L3MBTL3: variants seen among roughly 807,000 people sequenced by gnomAD.
The protein encoded by L3MBTL3 is lethal(3)malignant brain tumor-like protein 3.
A neutral mutation model predicts 102.3 loss-of-function variants in L3MBTL3; 27 were observed. That is an observed-to-expected ratio of 0.26 (90% CI 0.19 to 0.36). The LOEUF is 0.36. L3MBTL3 is among the 10% of genes least tolerant of loss of function. L3MBTL3 has a pLI of 1.00. For missense variants in L3MBTL3, 798 were observed against 955.3 expected, an observed-to-expected ratio of 0.84 and a Z score of 2.17; for synonymous variants, 340 against 320.9, an observed-to-expected ratio of 1.06 and a Z score of -0.64.
chr6:130,139,497 T>C, intron 22 of L3MBTL3, 113 bp from the exon 23 acceptor site: 1 of 948,536 alleles, frequency 1.1e-6, no homozygotes, highest in African/African-American at 1.6e-5. Flanking sequence ...TGAACTTCTC[T>C]GTGCTTTTTT....
intron 20 of L3MBTL3, among the ~76,000 whole-genome samples, chr6:130,131,265 G>A (rs1441378030): frequency 6.6e-6 from 1 of 152,136 alleles, no homozygotes; most frequent in Non-Finnish European, 1.5e-5. Flanking sequence ...CATTAATCAT[G>A]GAATGCATTT....
intron 10 of L3MBTL3, among the ~76,000 whole-genome samples, chr6:130,064,774 A>G (rs1028570360): frequency 6.6e-6 from 1 of 152,078 alleles, no homozygotes; most frequent in East Asian, 1.9e-4. Flanking sequence ...GAGGGTGAGG[A>G]TGTAGGAGAT....
chr6:130,035,867 T>C (rs1780023941), intron 2 of L3MBTL3, among the ~76,000 whole-genome samples: 1 of 152,190 alleles, frequency 6.6e-6, no homozygotes, highest in African/African-American at 2.4e-5. Context: ...ACTTTCAGGA[T>C]ACTTCCTTAG....
chr6:130,140,872 C>T lies in L3MBTL3; in HGVS notation c.*1119C>T, dbSNP rs1330771048. Reference sequence around the variant, plus strand: ...CACAAAATTTGAAATGCTCACAGATCAGGGAGGTGATTTCCCAAAGTAATT... The same window carrying T: ...CACAAAATTTGAAATGCTCACAGATTAGGGAGGTGATTTCCCAAAGTAATT... On this transcript the variant is annotated 3_prime_UTR_variant, in exon 23 of 23. Coordinates refer to ENST00000361794, the MANE Select transcript of L3MBTL3 (RefSeq NM_032438.4). 1.3e-5 allele frequency: 2 copies of T among 152,570 alleles called. No homozygotes were observed. Among genetic ancestry groups the T allele is most frequent in the Non-Finnish European group, 2.9e-5 (2 of 68,028 alleles). 9.5% of individuals were successfully genotyped at this position (152,570 alleles called of 1,614,324 possible). A position where few individuals can be genotyped will look rare whatever the true frequency, so the allele number is the denominator to read the frequency against.
chr6:130,115,459 A>G (rs991122252), intron 19 of L3MBTL3, among the ~76,000 whole-genome samples: 6 of 152,220 alleles, frequency 3.9e-5, no homozygotes, highest in African/African-American at 9.6e-5. Flanking sequence ...TTGTTTTTCA[A>G]TATTTTTTAA....
chr6:130,060,926 A>G (rs1006863148), intron 10 of L3MBTL3, among the ~76,000 whole-genome samples: 7 of 152,040 alleles, frequency 4.6e-5, no homozygotes, highest in African/African-American at 1.2e-4. Context: ...GTATTATACT[A>G]TTCTTTAATT....
chr6:130,043,549 T>G (rs1584308267), intron 3 of L3MBTL3, among the ~76,000 whole-genome samples: 1 of 152,230 alleles, frequency 6.6e-6, no homozygotes, highest in Non-Finnish European at 1.5e-5. Flanking sequence ...TGATCCTATC[T>G]CTGGAACCTT....
rs547632515 is a variant in L3MBTL3 at position 130,078,320 on chromosome 6, T to C, written c.1245-238T>C. On this transcript the variant is annotated intron_variant, in intron 13 of 22. Coordinates refer to ENST00000361794, the MANE Select transcript of L3MBTL3 (RefSeq NM_032438.4). The stretch of plus-strand genomic sequence containing the variant: ...GTTGAAGTTACAGGATATAACAAAA[T>C]TTGTGGGGAAAAGAAAATTGCATGG... Among the ~76,000 whole-genome samples, 3 of 152,300 alleles carry C rather than the reference T, an allele frequency of 2.0e-5. No individual in the cohort carries two copies. In the South Asian group the frequency reaches 6.2e-4, roughly 32 times the overall value.
At chr6:130,106,197 T>G (rs1213126602) in intron 19 of L3MBTL3, among the ~76,000 whole-genome samples, 1 of 152,222 alleles carries the variant, frequency 6.6e-6, no homozygotes, top group Non-Finnish European at 1.5e-5. Flanking sequence ...ATTGATTACC[T>G]AATAATTATT....
chr6:130,068,320 C>CT lies in L3MBTL3; in HGVS notation c.1001-8dup. ...ATTTGAATCAATCTGTTCATATGTG[C>CT]TTACTCTAGGGTATAAAGAAGAAGA... is the stretch of plus-strand genomic sequence containing the variant. On this transcript the variant is annotated splice_polypyrimidine_tract_variant and intron_variant, in intron 11 of 22. Transcript: ENST00000361794. 6.8e-7 allele frequency: 1 copy of CT among 1,478,262 alleles called. No individual in the cohort carries two copies. The highest frequency in any genetic ancestry group is 9.5e-7 in the Non-Finnish European group (1 of 1,057,408). 91.6% of individuals were successfully genotyped at this position (1,478,262 alleles called of 1,614,324 possible). A position where few individuals can be genotyped will look rare whatever the true frequency, so the allele number is the denominator to read the frequency against.
rs563872656 is a variant in L3MBTL3 at position 130,071,206 on chromosome 6, C to T, written c.1244+79C>T. On this transcript the variant is annotated intron_variant, in intron 13 of 22. Transcript: ENST00000361794. The stretch of plus-strand genomic sequence containing the variant: ...TGGTTTGAAAACAGTAATAGTGCAA[C>T]GCTTATAACAAAAAAAAGCAGTGTT... The T allele has an allele frequency of 7.4e-5, 92 of 1,241,760 alleles. 1 individual carries two copies. The highest frequency in any genetic ancestry group is 6.2e-4 in the East Asian group (24 of 38,828). 76.9% of individuals were successfully genotyped at this position (1,241,760 alleles called of 1,614,324 possible).
At chr6:130,125,606 G>A (rs1007792995) in intron 20 of L3MBTL3, among the ~76,000 whole-genome samples, 1 of 152,130 alleles carries the variant, frequency 6.6e-6, no homozygotes, top group Non-Finnish European at 1.5e-5. Context: ...CAAACCCAAG[G>A]CTGAAGGTCA....
At chr6:130,104,800 C>T (rs1193321602) in intron 19 of L3MBTL3, among the ~76,000 whole-genome samples, 1 of 150,482 alleles carries the variant, frequency 6.6e-6, no homozygotes, top group Non-Finnish European at 1.5e-5. Flanking sequence ...TTCTCTGACT[C>T]ATTTTTTTTT....
At chr6:130,071,405 TCTTCC>T (rs1782634516) in intron 13 of L3MBTL3, among the ~76,000 whole-genome samples, 1 of 152,212 alleles carries the variant, frequency 6.6e-6, no homozygotes, top group Admixed American at 6.5e-5. Flanking sequence ...CGTATTTTAA[TCTTCC>T]CTTCTTATTT....
chr6:130,060,076 G>A lies in L3MBTL3; in HGVS notation c.800G>A (p.Gly267Asp), dbSNP rs1442096693. The A allele has an allele frequency of 6.2e-7, 1 of 1,613,632 alleles. No individual in the cohort carries two copies. The highest frequency in any genetic ancestry group is 1.7e-5 in the Admixed American group (1 of 60,002). ...TATAACAAAAATGGATTCAAAGTTG[G>A]CATGAAATTAGAAGGCGTGGATCCT... Reference protein sequence around the residue: ...FPYNKNGFKVGMKLEGVDPEH... With the variant: ...FPYNKNGFKVDMKLEGVDPEH... Residue 267 changes from glycine (G) to aspartate (D), a missense_variant, in exon 10 of 23, where the codon GGC becomes GAC. Coordinates refer to ENST00000361794, the MANE Select transcript of L3MBTL3 (RefSeq NM_032438.4).
chr6:130,075,244 T>G (rs1257765279), intron 13 of L3MBTL3, among the ~76,000 whole-genome samples: 2 of 151,986 alleles, frequency 1.3e-5, no homozygotes, highest in Non-Finnish European at 2.9e-5. Flanking sequence ...AACCAACCAC[T>G]TGGAGGGGTG....
At chr6:130,128,276 A>G (rs141284195) in intron 20 of L3MBTL3, among the ~76,000 whole-genome samples, 1 of 152,312 alleles carries the variant, frequency 6.6e-6, no homozygotes, top group African/African-American at 2.4e-5. Context: ...CTTCCACATA[A>G]AGGAAGTACA....
At chr6:130,028,370 A>C (rs72987384) in intron 2 of L3MBTL3, among the ~76,000 whole-genome samples, 4,472 of 152,304 alleles carry the variant, frequency 0.029, 109 homozygotes, top group Non-Finnish European at 0.047. Context: ...TATCAATAAG[A>C]TGGAACCGCT....
intron 6 of L3MBTL3, among the ~76,000 whole-genome samples, 193 bp downstream of exon 6, chr6:130,051,601 A>G (rs1027497872): frequency 6.6e-6 from 1 of 152,124 alleles, no homozygotes; most frequent in Non-Finnish European, 1.5e-5. Flanking sequence ...GCCTGGTCTG[A>G]GTTGTATTAC....
Sources: gnomAD v4.1 joint callset for allele counts (sites outside exome capture counted in the v4.1 genomes callset) on GRCh38, gnomAD v4.1.1 for gene constraint, MANE v1.5 for transcripts, NCBI Gene and HGNC (gene_info 2026-07-23, HGNC 2026-07-21) for gene names.